EDEM3: variants seen among roughly 807,000 people sequenced by gnomAD.
EDEM3 encodes ER degradation enhancing alpha-mannosidase like protein 3.
In EDEM3, 60 loss-of-function variants were observed where a neutral mutation model predicts 110.2. That is an observed-to-expected ratio of 0.54 (90% confidence interval 0.44 to 0.67). The LOEUF (loss-of-function observed/expected upper bound fraction) is 0.67. Among genes scored for constraint, EDEM3 ranks in the 30% least tolerant of loss-of-function variants. EDEM3 has a pLI of 0.00. For missense variants in EDEM3, 996 were observed against 1,121.0 expected, an observed-to-expected ratio of 0.89 and a Z score of 1.59; for synonymous variants, 352 against 382.9, an observed-to-expected ratio of 0.92 and a Z score of 0.94.
chr1:184,742,814 C>T lies in EDEM3; in HGVS notation c.205-5103G>A, dbSNP rs189281631. Among the ~76,000 whole-genome samples the T allele has an allele frequency of 3.8e-3, 584 of 152,244 alleles. 4 individuals are homozygous for T. The highest frequency in any genetic ancestry group is 0.013 in the African/African-American group (551 of 41,552). ...TTGCTTTATAGTTTTATATTTAACA[C>T]ATATAAACAACACTTAGAAGAAATA... On this transcript the variant is annotated intron_variant, in intron 2 of 19. Coordinates refer to ENST00000318130, the MANE Select transcript of EDEM3 (RefSeq NM_025191.4).
At chr1:184,730,537 T>C (rs1195407663) in intron 6 of EDEM3, among the ~76,000 whole-genome samples, 3 of 152,124 alleles carry the variant, frequency 2.0e-5, no homozygotes, top group Admixed American at 2.0e-4. Flanking sequence ...CAGTGAGCAA[T>C]GATCACACTA....
At chr1:184,710,325 T>A in intron 16 of EDEM3, 69 bp downstream of exon 16, 1 of 1,529,754 alleles carries the variant, frequency 6.5e-7, no homozygotes, top group Non-Finnish European at 8.8e-7. Flanking sequence ...ATCCATTATC[T>A]TATTAAAGCT....
At chr1:184,703,869 T>C (rs944250443) in intron 18 of EDEM3, among the ~76,000 whole-genome samples, 4 of 152,184 alleles carry the variant, frequency 2.6e-5, no homozygotes, top group African/African-American at 4.8e-5. Context: ...ATAGTCCAGT[T>C]GAATGACACA....
At chr1:184,704,415 G>A (rs1649796363) in intron 18 of EDEM3, among the ~76,000 whole-genome samples, 1 of 151,800 alleles carries the variant, frequency 6.6e-6, no homozygotes, top group African/African-American at 2.4e-5. Context: ...AGCACTTTTG[G>A]AGGCCAAGGC....
intron 7 of EDEM3, among the ~76,000 whole-genome samples, chr1:184,725,443 G>A (rs1484592385): frequency 3.9e-5 from 6 of 152,084 alleles, no homozygotes; most frequent in Non-Finnish European, 5.9e-5. Context: ...AAGATATAGA[G>A]CAAAACCTTA....
chr1:184,700,206 A>G lies in EDEM3; in HGVS notation c.2389+2605T>C, dbSNP rs146404102. Among the ~76,000 whole-genome samples the G allele has an allele frequency of 2.9e-3, 434 of 152,052 alleles. 5 individuals carry two copies. The East Asian group carries it at 0.035, about 12-fold the overall frequency. ...CTGCTAGCAGAACAGTTTCAGATAC[A>G]TCTATACTAATGGCATGGACTTATC... On this transcript the variant is annotated intron_variant, in intron 19 of 19. Coordinates refer to ENST00000318130, the MANE Select transcript of EDEM3 (RefSeq NM_025191.4).
chr1:184,749,439 C>G, intron 2 of EDEM3, 108 bp downstream of exon 2: 1 of 899,018 alleles, frequency 1.1e-6, no homozygotes, highest in South Asian at 1.8e-5. Context: ...TTAAAAACTT[C>G]CTTTTAAAAA....
chr1:184,754,573 G>C lies in EDEM3; in HGVS notation c.74C>G (p.Thr25Arg). The change falls in exon 1 of 20, where the codon ACG (threonine) becomes AGG (arginine). Residue 25 changes from threonine (T) to arginine (R), a missense_variant. Around this residue, in one of 5 missense-constraint regions of EDEM3, gnomAD observed 200 missense variants for 183.8 expected, o/e 1.09. Coordinates refer to ENST00000318130, the MANE Select transcript of EDEM3 (RefSeq NM_025191.4). Reference protein sequence around the residue: ...QRARWRLVAATAAFCLVSATS... With the variant: ...QRARWRLVAARAAFCLVSATS... ...GGCCGACACCAGGCAGAACGCGGCC[G>C]TCGCCGCCACTAGTCTCCATCGCGC... 1.2e-6 allele frequency: 2 copies of C among 1,609,700 alleles called. No homozygotes were observed. The highest frequency in any genetic ancestry group is 1.7e-6 in the Non-Finnish European group (2 of 1,178,742).
chr1:184,751,369 T>C (rs1043277027), intron 1 of EDEM3, among the ~76,000 whole-genome samples: 4 of 152,080 alleles, frequency 2.6e-5, no homozygotes, highest in African/African-American at 9.7e-5. Flanking sequence ...TAATTGGCAA[T>C]GGTAGTGCCT....
Position 184,719,176 on chromosome 1 carries a change from T to A in EDEM3, c.1147A>T (p.Asn383Tyr), listed in dbSNP as rs1331388444. Reference sequence around the variant, plus strand: ...TATTTGCTTACCTCTGGTAGAAAATTGTGTTTTTTAATCACCTGATATAAC... The same window carrying A: ...TATTTGCTTACCTCTGGTAGAAAATAGTGTTTTTTAATCACCTGATATAAC... ...EMLYQVIKKH[N>Y]FLPEAFTTDF... The change falls in exon 11 of 20, where the codon AAT (asparagine) becomes TAT (tyrosine). Residue 383 changes from asparagine to tyrosine, a missense_variant. Coordinates refer to ENST00000318130, the MANE Select transcript of EDEM3 (RefSeq NM_025191.4). 2 of 1,567,544 alleles carry A rather than the reference T, an allele frequency of 1.3e-6. No homozygotes were observed. The highest frequency in any genetic ancestry group is 1.4e-5 in the African/African-American group (1 of 72,728).
At chr1:184,710,025 T>C (rs1650139976) in intron 16 of EDEM3, among the ~76,000 whole-genome samples, 2 of 152,180 alleles carry the variant, frequency 1.3e-5, no homozygotes, top group African/African-American at 4.8e-5. Context: ...GAGACTAAAA[T>C]GATGTAAAAC....
rs1355385519 is a variant in EDEM3 at position 184,691,485 on chromosome 1, C to T, written c.*2578G>A. 1.3e-5 allele frequency: 2 copies of T among 152,304 alleles called. No homozygotes were observed. The highest frequency in any genetic ancestry group is 2.4e-5 in the African/African-American group (1 of 41,372). The allele number at this position is 152,304 out of a possible 1,614,324, so 9.4% of individuals were successfully genotyped here. ...AACAATTTTATGGCTGTGGTGATCA[C>T]TTCAGCTATATTTCTAAGCAGTCAA... On this transcript the variant is annotated 3_prime_UTR_variant, in exon 20 of 20. Transcript: ENST00000318130.
chr1:184,746,015 T>C (rs941519567), intron 2 of EDEM3, among the ~76,000 whole-genome samples: 9 of 152,156 alleles, frequency 5.9e-5, no homozygotes, highest in Admixed American at 2.0e-4. Context: ...TGGGGTTAAA[T>C]AAGGTCACAC....
intron 1 of EDEM3, among the ~76,000 whole-genome samples, chr1:184,751,181 T>C (rs1363870656): frequency 6.8e-6 from 1 of 147,910 alleles, no homozygotes; most frequent in African/African-American, 2.4e-5. Flanking sequence ...TTTATATATA[T>C]ATAATTTTTA....
At chr1:184,701,643 G>A in intron 19 of EDEM3, 2 of 745,098 alleles carry the variant, frequency 2.7e-6, no homozygotes, top group Non-Finnish European at 3.7e-6. Context: ...GTGCCTAAAT[G>A]CATATATGTA....
chr1:184,751,775 C>CA (rs1405843824), intron 1 of EDEM3, among the ~76,000 whole-genome samples: 1 of 152,154 alleles, frequency 6.6e-6, no homozygotes, highest in Non-Finnish European at 1.5e-5. Context: ...TTTTTTGAGA[C>CA]AGAGTTTTGC....
intron 2 of EDEM3, among the ~76,000 whole-genome samples, 199 bp from the exon 3 acceptor site, chr1:184,737,910 T>A (rs1651925183): frequency 6.6e-6 from 1 of 152,104 alleles, no homozygotes; most frequent in Admixed American, 6.6e-5. Flanking sequence ...TACCAAAAAA[T>A]TTCTTTAAAA....
At chr1:184,715,301 A>G (rs938520713) in intron 13 of EDEM3, among the ~76,000 whole-genome samples, 3 of 152,164 alleles carry the variant, frequency 2.0e-5, no homozygotes, top group Admixed American at 6.5e-5. Context: ...AGGATGTTAC[A>G]CTTTGAAAAA....
chr1:184,725,277 A>C (rs1476517918), intron 7 of EDEM3, among the ~76,000 whole-genome samples: 1 of 152,072 alleles, frequency 6.6e-6, no homozygotes, highest in Non-Finnish European at 1.5e-5. Flanking sequence ...ATGGATTCTA[A>C]TTCCAACTCC....
Sources: allele counts gnomAD v4.1 joint callset (sites outside exome capture counted in the v4.1 genomes callset), GRCh38; gene constraint gnomAD v4.1.1; regional missense constraint gnomAD v4.1.1; transcripts MANE v1.5; gene names NCBI Gene and HGNC (gene_info 2026-07-23, HGNC 2026-07-21).